COL23A1: variants seen among roughly 807,000 people sequenced by gnomAD.
The protein encoded by COL23A1 is collagen type XXIII alpha 1 chain, also known as collagen alpha-1(XXIII) chain.
In COL23A1, 97 loss-of-function variants were observed where a neutral mutation model predicts 99.3. The ratio of observed to expected loss-of-function variants is 0.98; its 90% CI spans 0.83 to 1.16. The LOEUF is 1.16. Among genes scored for constraint, COL23A1 ranks in the 50% most tolerant of loss-of-function variants. The pLI, the probability that COL23A1 is intolerant of heterozygous loss-of-function variation, is 0.00. For missense variants in COL23A1, 762 were observed against 757.4 expected, an observed-to-expected ratio of 1.01 and a Z score of -0.07; for synonymous variants, 320 against 308.2, an observed-to-expected ratio of 1.04 and a Z score of -0.40.
chr5:178,272,368 C>T (rs745542900), intron 5 of COL23A1, among the ~76,000 whole-genome samples: 14 of 152,194 alleles, frequency 9.2e-5, no homozygotes, highest in Non-Finnish European at 1.9e-4. Flanking sequence ...GGCCACTCCA[C>T]GTGGGGCTCG....
rs377288445 is a variant in COL23A1, at chr5:178,511,385, C to A, written c.361+49297G>T. ...GGAGGTCTCCAGGCTGGAAACTACT[C>A]CTTTGAAAGAGAAGACCTTCATTCT... On this transcript the variant is annotated intron_variant, in intron 2 of 28. Coordinates refer to ENST00000390654, the MANE Select transcript of COL23A1 (RefSeq NM_173465.4). Among the ~76,000 whole-genome samples the A allele has an allele frequency of 1.1e-4, 16 of 152,348 alleles. No individual in the cohort carries two copies. In the East Asian group the frequency reaches 2.5e-3, roughly 24 times the overall value.
At position 178,560,704 on chromosome 5, in the gene COL23A1, T is replaced by G. The variant is rs1345339577; in HGVS notation, c.339A>C (p.Pro113=). The change falls in exon 2 of 29, where the codon CCA becomes CCC. Residue 113 remains proline, a synonymous_variant. Coordinates refer to ENST00000390654, the MANE Select transcript of COL23A1 (RefSeq NM_173465.4). ...TACCTGGGGGGCAGACACATTCGGA[T>G]GGAGCTTCCCGAGCAGTCCGGATCT... ...LAKIRTAREA[P]SECVCPPGPP... The G allele has an allele frequency of 6.2e-7, 1 of 1,611,954 alleles. No homozygotes were observed. The highest frequency in any genetic ancestry group is 1.3e-5 in the African/African-American group (1 of 74,338).
At chr5:178,324,025 TCCATCTATTCAGATG>T (rs899648778) in intron 2 of COL23A1, among the ~76,000 whole-genome samples, 1 of 152,130 alleles carries the variant, frequency 6.6e-6, no homozygotes, top group African/African-American at 2.4e-5. Flanking sequence ...CTGGGGTCTC[TCCATCTATTCAGATG>T]CCATTGTCCA....
chr5:178,549,848 T>C (rs1761911885), intron 2 of COL23A1, among the ~76,000 whole-genome samples: 1 of 152,042 alleles, frequency 6.6e-6, no homozygotes, highest in Admixed American at 6.6e-5. Flanking sequence ...ACAAAAACAA[T>C]TTCTTTAACA....
At chr5:178,265,634 AC>A (rs1402209372) in intron 8 of COL23A1, 10 of 981,158 alleles carry the variant, frequency 1.0e-5, no homozygotes, top group Non-Finnish European at 1.2e-5. Flanking sequence ...TCAGGTCCAG[AC>A]CCCCACTCAG....
chr5:178,377,267 C>G (rs1371076151), intron 2 of COL23A1, among the ~76,000 whole-genome samples: 1 of 152,236 alleles, frequency 6.6e-6, no homozygotes, highest in African/African-American at 2.4e-5. Flanking sequence ...CACAGAGCTG[C>G]CTCCCCTGAA....
At chr5:178,386,241 C>T (rs1019181269) in intron 2 of COL23A1, among the ~76,000 whole-genome samples, 25 of 152,122 alleles carry the variant, frequency 1.6e-4, no homozygotes, top group African/African-American at 5.8e-4. Flanking sequence ...GAGTTTGAGA[C>T]CAGCCTGGGC....
chr5:178,314,268 C>T (rs1442332096), intron 2 of COL23A1, among the ~76,000 whole-genome samples: 2 of 152,124 alleles, frequency 1.3e-5, no homozygotes, highest in East Asian at 1.9e-4. Flanking sequence ...CATGCTGAAC[C>T]GGGAGCCGAA....
chr5:178,542,675 G>T (rs941419268), intron 2 of COL23A1, among the ~76,000 whole-genome samples: 3 of 145,678 alleles, frequency 2.1e-5, no homozygotes, highest in African/African-American at 7.4e-5. Flanking sequence ...GCTCTAGACA[G>T]AAAAATGGGA....
intron 2 of COL23A1, among the ~76,000 whole-genome samples, chr5:178,356,552 T>C (rs920664015): frequency 2.6e-5 from 4 of 152,030 alleles, no homozygotes; most frequent in African/African-American, 9.7e-5. Context: ...GCCTCAGGAA[T>C]GCATTCCTTC....
Position 178,403,118 on chromosome 5 carries a change from A to AAAT in COL23A1, c.362-96200_362-96199insATT, listed in dbSNP as rs1332641502. On this transcript the variant is annotated intron_variant, in intron 2 of 28. Coordinates refer to ENST00000390654, the MANE Select transcript of COL23A1 (RefSeq NM_173465.4). Reference sequence around the variant, plus strand: ...AGAGAGACTCCATCTCAAAAAAAAAAAAAATAAATAAATAAAAAATAAATA... The same window carrying AAAT: ...AGAGAGACTCCATCTCAAAAAAAAAAAATAAAATAAATAAATAAAAAATAAATA... 3.4e-4 allele frequency among the ~76,000 whole-genome samples: 44 copies of AAAT among 129,718 alleles called. 4 individuals carry two copies. The highest frequency in any genetic ancestry group is 1.6e-3 in the African/African-American group (41 of 26,230). 85.1% of individuals were successfully genotyped at this position (129,718 alleles called of 152,430 possible).
At chr5:178,266,071 C>T (rs577049313) in intron 8 of COL23A1, among the ~76,000 whole-genome samples, 69 of 152,110 alleles carry the variant, frequency 4.5e-4, no homozygotes, top group African/African-American at 1.6e-3. Flanking sequence ...GAGACAGTCT[C>T]GCTCTGTCAC....
rs1279651311 is a variant in COL23A1 at position 178,252,541 on chromosome 5, G to T, written c.1014+3C>A. ...GGGACCACATAGCTGCATCTGCACT[G>T]ACCTTGGCTCCAGGGATCCCTGGTG... On this transcript the variant is annotated splice_donor_region_variant and intron_variant, in intron 17 of 28. Transcript: ENST00000390654. 1 of 1,611,350 alleles carries T rather than the reference G, an allele frequency of 6.2e-7. No homozygotes were observed. Among genetic ancestry groups the T allele is most frequent in the Non-Finnish European group, 8.5e-7 (1 of 1,178,902 alleles).
chr5:178,472,525 T>C lies in COL23A1; in HGVS notation c.361+88157A>G, dbSNP rs1398894628. On this transcript the variant is annotated intron_variant, in intron 2 of 28. Transcript: ENST00000390654. ...CTGATGCACAGTCAGATATGGCTTA[T>C]ACATTATGAAAGGTAAGGCACTGTC... 2.6e-5 allele frequency among the ~76,000 whole-genome samples: 4 copies of C among 152,186 alleles called. No individual in the cohort carries two copies. The East Asian group carries it at 5.8e-4, about 22-fold the overall frequency.
chr5:178,357,980 ATGTG>A (rs757047759), intron 2 of COL23A1, among the ~76,000 whole-genome samples: 1 of 138,824 alleles, frequency 7.2e-6, no homozygotes, highest in African/African-American at 2.7e-5. Flanking sequence ...ATGTGTATAT[ATGTG>A]TGTATGCGTG....
intron 1 of COL23A1, among the ~76,000 whole-genome samples, chr5:178,579,995 C>A (rs991594938): frequency 6.6e-6 from 1 of 152,108 alleles, no homozygotes; most frequent in South Asian, 2.1e-4. Flanking sequence ...ATCTTACCCA[C>A]GATAGAGCAG....
chr5:178,276,109 T>C (rs538209640), intron 5 of COL23A1, among the ~76,000 whole-genome samples: 115 of 152,212 alleles, frequency 7.6e-4, no homozygotes, highest in Middle Eastern at 3.4e-3. Context: ...ATGTGGAGTA[T>C]GGTGGCTCCA....
rs76105246 is a variant in COL23A1 at position 178,280,863 on chromosome 5, G to C, written c.441+7461C>G. 0.012 allele frequency among the ~76,000 whole-genome samples: 1,808 copies of C among 152,286 alleles called. 26 individuals are homozygous for C. The highest frequency in any genetic ancestry group is 0.041 in the African/African-American group (1,699 of 41,548). ...ATGCAAAAAACTGCAGCAGATACAGGAGGCATCTGGGAGCCGAGGGCGGAG... is the reference window on the plus strand; with the variant it reads ...ATGCAAAAAACTGCAGCAGATACAGCAGGCATCTGGGAGCCGAGGGCGGAG... On this transcript the variant is annotated intron_variant, in intron 5 of 28. Coordinates refer to ENST00000390654, the MANE Select transcript of COL23A1 (RefSeq NM_173465.4). The surrounding 1 kb of genome is among the most constrained non-coding windows in gnomAD (Gnocchi z 4.9).
intron 2 of COL23A1, among the ~76,000 whole-genome samples, chr5:178,478,893 G>A (rs923506051): frequency 2.0e-5 from 3 of 152,144 alleles, no homozygotes; most frequent in Admixed American, 6.5e-5. Context: ...AAAGGCATGC[G>A]GCACAGACTC....
Sources: allele counts gnomAD v4.1 joint callset (sites outside exome capture counted in the v4.1 genomes callset), GRCh38; gene constraint gnomAD v4.1.1; non-coding constraint Gnocchi (gnomAD v3.1); transcripts MANE v1.5; gene names NCBI Gene and HGNC (gene_info 2026-07-23, HGNC 2026-07-21).